APCDD1: variants seen among roughly 807,000 people sequenced by gnomAD.
The protein encoded by APCDD1 is APC down-regulated 1, also known as protein APCDD1.
Under a neutral mutation model 38.1 loss-of-function variants are expected in APCDD1, and 15 were observed. The observed-to-expected ratio is 0.39, with a 90% CI of 0.26 to 0.61. APCDD1 has a LOEUF of 0.61. Ranked by LOEUF, APCDD1 falls within the 20% of genes least tolerant of loss-of-function variation. The pLI is 0.49. For missense variants in APCDD1, 647 were observed against 696.2 expected (o/e 0.93, Z 0.79); for synonymous variants, 261 against 279.7 (o/e 0.93, Z 0.67).
At position 10,469,479 on chromosome 18, in the gene APCDD1, ATATT is replaced by A. The variant is rs2030800274; in HGVS notation, c.242+831_242+834del. 2.0e-5 allele frequency among the ~76,000 whole-genome samples: 3 copies of A among 152,234 alleles called. No individual in the cohort carries two copies. The highest frequency in any genetic ancestry group is 4.4e-5 in the Non-Finnish European group (3 of 68,038). ...AACCTTCATGTTACATACTTTTAAA[ATATT>A]TATCATTTTATTCAACAAATATTTA... On this transcript the variant is annotated intron_variant, in intron 2 of 4. Coordinates refer to ENST00000355285, the MANE Select transcript of APCDD1 (RefSeq NM_153000.5). This position sits in a 1 kb window ranked among gnomAD's most constrained non-coding sequence, Gnocchi z 5.5.
At chr18:10,473,721 G>A (rs1453645763) in intron 3 of APCDD1, among the ~76,000 whole-genome samples, 1 of 152,128 alleles carries the variant, frequency 6.6e-6, no homozygotes, top group Non-Finnish European at 1.5e-5. Flanking sequence ...TTGGGAAAAT[G>A]GGTAAGAATA....
In APCDD1 at chr18:10,476,660, C is replaced by G. The variant is rs1210480553; in HGVS notation, c.774+4599C>G. 1 of 152,200 alleles carries G rather than the reference C, an allele frequency of 6.6e-6. No homozygotes were observed. The highest frequency in any genetic ancestry group is 2.4e-5 in the African/African-American group (1 of 41,434). The allele number at this position is 152,200 out of a possible 1,614,324, so 9.4% of individuals were successfully genotyped here. On this transcript the variant is annotated intron_variant, in intron 3 of 4. Transcript: ENST00000355285. This position sits in a 1 kb window ranked among gnomAD's most constrained non-coding sequence, Gnocchi z 5.8. ...ATGGAATTGGTCTTTCTCCAAAATC[C>G]TGCACTGATTTAACCACAGGATCGT...
At chr18:10,486,710 C>T (rs2031256807) in intron 4 of APCDD1, among the ~76,000 whole-genome samples, 1 of 151,992 alleles carries the variant, frequency 6.6e-6, no homozygotes. Context: ...TTTTTTTCCC[C>T]CTAAGTTTGA....
At chr18:10,466,135 G>C (rs953143911) in intron 1 of APCDD1, among the ~76,000 whole-genome samples, 2 of 152,178 alleles carry the variant, frequency 1.3e-5, no homozygotes, top group African/African-American at 4.8e-5. Context: ...TCTATTTTAA[G>C]TTAGCCACAT....
intron 3 of APCDD1, among the ~76,000 whole-genome samples, chr18:10,479,842 AGGAAT>A: frequency 6.6e-6 from 1 of 152,228 alleles, no homozygotes; most frequent in African/African-American, 2.4e-5. Context: ...GGAGCTAAGC[AGGAAT>A]CAGAGAGCAG....
rs2031312348 is a variant in APCDD1, at chr18:10,488,888, TAGAG to T, written c.*852_*855del. On this transcript the variant is annotated 3_prime_UTR_variant, in exon 5 of 5. Coordinates refer to ENST00000355285, the MANE Select transcript of APCDD1 (RefSeq NM_153000.5). ...AGTGTGGTACATGCCACACAAATGA[TAGAG>T]AAAGTGCCCGTTCATTGCAGTTTCC... 6.6e-6 allele frequency: 1 copy of T among 152,174 alleles called. No homozygotes were observed. Among genetic ancestry groups the T allele is most frequent in the Non-Finnish European group, 1.5e-5 (1 of 68,048 alleles). The allele number at this position is 152,174 out of a possible 1,614,324, so 9.4% of individuals were successfully genotyped here.
intron 1 of APCDD1, 138 bp from the exon 2 acceptor site, chr18:10,468,331 C>T (rs776638694): frequency 1.0e-4 from 92 of 916,448 alleles, no homozygotes; most frequent in Middle Eastern, 6.3e-4. Context: ...CACGAGAGCA[C>T]GCACTGTGAT....
At chr18:10,462,440 TCTCTCCTTTCCTCCCTCCCTCCC>T (rs1568001566) in intron 1 of APCDD1, among the ~76,000 whole-genome samples, 121 of 60,680 alleles carry the variant, frequency 2.0e-3, no homozygotes, top group Non-Finnish European at 3.0e-3. Flanking sequence ...CCTTGCTCCC[TCTCTCCTTTCCTCCCTCCCTCCC>T]TCCCTCCTTC....
rs2031279584 is a variant in APCDD1 at position 10,487,726 on chromosome 18, G to A, written c.1233G>A (p.Val411=). The change falls in exon 5 of 5, where the codon GTG becomes GTA. Residue 411 remains valine (V), a synonymous_variant. Transcript: ENST00000355285. ...QQDVTHTNGC[V]ALGIKLPHTE... is the part of the protein sequence containing the mutation. The stretch of plus-strand genomic sequence containing the variant: ...ATGTGACCCACACCAATGGCTGCGT[G>A]GCCCTGGGCATCAAACTACCTCACA... 3 of 1,614,130 alleles carry A rather than the reference G, an allele frequency of 1.9e-6. No homozygotes were observed. Among genetic ancestry groups the A allele is most frequent in the Non-Finnish European group, 2.5e-6 (3 of 1,180,026 alleles).
rs1167220171 is a variant in APCDD1 at position 10,472,215 on chromosome 18, T to G, written c.774+154T>G. Among the ~76,000 whole-genome samples, 1 of 151,710 alleles carries G rather than the reference T, an allele frequency of 6.6e-6. No individual in the cohort carries two copies. The highest frequency in any genetic ancestry group is 1.5e-5 in the Non-Finnish European group (1 of 67,916). On this transcript the variant is annotated intron_variant, in intron 3 of 4. Transcript: ENST00000355285. This position sits in a 1 kb window ranked among gnomAD's most constrained non-coding sequence, Gnocchi z 6.6. ...GGGGCTGCTGCGAGGTGGGAGGAGA[T>G]GGGAAAGGCTGGGGCTGAGGGTGCT...
chr18:10,477,606 A>G (rs2031034032), intron 3 of APCDD1: 1 of 152,220 alleles, frequency 6.6e-6, no homozygotes, highest in Non-Finnish European at 1.5e-5. Context: ...CAAGTGGTAA[A>G]TATTTTATCC....
chr18:10,462,635 TTCCC>T (rs1468464417), intron 1 of APCDD1, among the ~76,000 whole-genome samples: 8 of 101,722 alleles, frequency 7.9e-5, no homozygotes, highest in Admixed American at 5.1e-4. Context: ...CCCTCCTTCC[TTCCC>T]TCCCTCCTTC....
chr18:10,457,904 T>C (rs193195476), intron 1 of APCDD1, among the ~76,000 whole-genome samples: 1 of 152,350 alleles, frequency 6.6e-6, no homozygotes, highest in African/African-American at 2.4e-5. Context: ...CAAAATTTGA[T>C]GGCATAAAAG....
intron 1 of APCDD1, among the ~76,000 whole-genome samples, chr18:10,460,441 G>A (rs2030506069): frequency 1.3e-5 from 2 of 151,380 alleles, no homozygotes. Context: ...GGTGAGGCAG[G>A]AATATCGCTT....
chr18:10,473,053 C>T (rs531525553), intron 3 of APCDD1, among the ~76,000 whole-genome samples: 5 of 152,320 alleles, frequency 3.3e-5, no homozygotes, highest in South Asian at 2.1e-4. Flanking sequence ...CTCTCTAGCA[C>T]GGTGGCTCTG....
In APCDD1 at chr18:10,489,059, G is replaced by A. The variant is rs1023665381; in HGVS notation, c.*1021G>A. The A allele has an allele frequency of 2.6e-5, 4 of 152,216 alleles. No individual in the cohort carries two copies. Among genetic ancestry groups the A allele is most frequent in the Non-Finnish European group, 4.4e-5 (3 of 68,074 alleles). 9.4% of individuals were successfully genotyped at this position (152,216 alleles called of 1,614,324 possible). On this transcript the variant is annotated 3_prime_UTR_variant, in exon 5 of 5. Coordinates refer to ENST00000355285, the MANE Select transcript of APCDD1 (RefSeq NM_153000.5). ...GCTCAGAGAGAGTGCAGTGGGCATG[G>A]TCTGCCCTGGGGGCTTGCTCCATTA...
At chr18:10,466,732 T>C (rs959867390) in intron 1 of APCDD1, among the ~76,000 whole-genome samples, 14 of 152,208 alleles carry the variant, frequency 9.2e-5, no homozygotes, top group African/African-American at 7.2e-5. Flanking sequence ...CCTGGCTTAA[T>C]AACCATGACC....
Position 10,487,796 on chromosome 18 carries a change from T to A in APCDD1, c.1303T>A (p.Tyr435Asn). The change falls in exon 5 of 5, where the codon TAT (tyrosine) becomes AAT (asparagine). Residue 435 changes from tyrosine (Y) to asparagine (N), a missense_variant. Transcript: ENST00000355285. ...FKMEQDARGR[Y>N]LLFNGQRPSD... The stretch of plus-strand genomic sequence containing the variant: ...AATGGAACAGGATGCCCGGGGGCGC[T>A]ATCTGCTGTTCAACGGTCAGAGGCC... 2 of 1,614,102 alleles carry A rather than the reference T, an allele frequency of 1.2e-6. No individual in the cohort carries two copies. Among genetic ancestry groups the A allele is most frequent in the Non-Finnish European group, 1.7e-6 (2 of 1,180,044 alleles).
At chr18:10,486,099 C>G (rs1020312634) in intron 4 of APCDD1, among the ~76,000 whole-genome samples, 4 of 152,216 alleles carry the variant, frequency 2.6e-5, no homozygotes, top group Non-Finnish European at 4.4e-5. Context: ...TGCCTGTAAT[C>G]CCAACACTTT....
Sources: gnomAD v4.1 joint callset for allele counts (sites outside exome capture counted in the v4.1 genomes callset) on GRCh38, gnomAD v4.1.1 for gene constraint, Gnocchi (gnomAD v3.1) non-coding constraint, MANE v1.5 for transcripts, NCBI Gene and HGNC (gene_info 2026-07-23, HGNC 2026-07-21) for gene names.